The following FOXRED1 variants were observed in gnomAD, a reference collection of about 807,000 sequenced individuals.
FOXRED1 encodes the protein FAD-dependent oxidoreductase domain-containing protein 1.
In FOXRED1, 52 loss-of-function variants were observed where a neutral mutation model predicts 57.8. The observed-to-expected ratio is 0.90, with a 90% CI of 0.72 to 1.13. The LOEUF (loss-of-function observed/expected upper bound fraction) is 1.13, where lower values mean the gene tolerates loss of function less well. Among genes scored for constraint, FOXRED1 ranks in the 50% most tolerant of loss-of-function variants. FOXRED1 has a pLI of 0.00. For synonymous variants in FOXRED1, 271 were observed against 248.3 expected, an observed-to-expected ratio of 1.09 and a Z score of -0.86; for missense variants, 589 against 625.2, an observed-to-expected ratio of 0.94 and a Z score of 0.62.
intron 1 of FOXRED1, among the ~76,000 whole-genome samples, chr11:126,269,919 G>A (rs185147910): frequency 2.1e-4 from 30 of 145,348 alleles, no homozygotes; most frequent in African/African-American, 7.3e-4. Context: ...CCCGGAAGGC[G>A]AAGGTTGCAA....
chr11:126,269,524 G>T, intron 1 of FOXRED1: 1 of 734,058 alleles, frequency 1.4e-6, no homozygotes, highest in South Asian at 1.5e-5. Flanking sequence ...CTTACAGTCA[G>T]ACTGATTGAT....
intron 1 of FOXRED1, among the ~76,000 whole-genome samples, chr11:126,270,766 A>G (rs1242958383): frequency 6.6e-6 from 1 of 152,184 alleles, no homozygotes; most frequent in Non-Finnish European, 1.5e-5. Flanking sequence ...TTGTGATTAA[A>G]TTTGTGTTTT....
In FOXRED1 at chr11:126,272,823, T is replaced by G; in HGVS notation, c.307-146T>G. 1 of 698,164 alleles carries G rather than the reference T, an allele frequency of 1.4e-6. No homozygotes were observed. The allele number at this position is 698,164 out of a possible 1,614,324, so 43.2% of individuals were successfully genotyped here. A position where few individuals can be genotyped will look rare whatever the true frequency, so the allele number is the denominator to read the frequency against. On this transcript the variant is annotated intron_variant, in intron 2 of 10. Transcript: ENST00000263578. The surrounding 1 kb of genome is among the most constrained non-coding windows in gnomAD (Gnocchi z 4.6). ...GATTTTAAACACCATTGCCTTCAAG[T>G]TGACTTACACATGGGTCTTAGATTA...
At position 126,275,486 on chromosome 11, in the gene FOXRED1, C is replaced by T; in HGVS notation, c.733+58C>T. The T allele has an allele frequency of 1.6e-6, 2 of 1,228,646 alleles. No individual in the cohort carries two copies. Among genetic ancestry groups the T allele is most frequent in the South Asian group, 1.2e-5 (1 of 83,318 alleles). The allele number at this position is 1,228,646 out of a possible 1,614,324, so 76.1% of individuals were successfully genotyped here. On this transcript the variant is annotated intron_variant, in intron 6 of 10. Coordinates refer to ENST00000263578, the MANE Select transcript of FOXRED1 (RefSeq NM_017547.4). This position sits in a 1 kb window ranked among gnomAD's most constrained non-coding sequence, Gnocchi z 5.9. ...GGCATAGGCCTAGACTAGGTCTTATCTTCTCACTCACAAGCTAAGCAAGGG... is the reference window on the plus strand; with the variant it reads ...GGCATAGGCCTAGACTAGGTCTTATTTTCTCACTCACAAGCTAAGCAAGGG...
chr11:126,271,960 C>A lies in FOXRED1; in HGVS notation c.306+303C>A. 3.0e-6 allele frequency: 1 copy of A among 332,664 alleles called. No homozygotes were observed. The highest frequency in any genetic ancestry group is 5.8e-6 in the Non-Finnish European group (1 of 172,672). 20.6% of individuals were successfully genotyped at this position (332,664 alleles called of 1,614,324 possible). On this transcript the variant is annotated intron_variant, in intron 2 of 10. Coordinates refer to ENST00000263578, the MANE Select transcript of FOXRED1 (RefSeq NM_017547.4). The surrounding 1 kb of genome is among the most constrained non-coding windows in gnomAD (Gnocchi z 5.3). ...AGCTATAATTAAGTGTCTCAATTTT[C>A]TCTTTTTTTTTTTTTTTTTGAGACA...
At position 126,271,954 on chromosome 11, in the gene FOXRED1, A is replaced by C; in HGVS notation, c.306+297A>C. ...CATTCAAGCTATAATTAAGTGTCTC[A>C]ATTTTCTCTTTTTTTTTTTTTTTTT... On this transcript the variant is annotated intron_variant, in intron 2 of 10. Coordinates refer to ENST00000263578, the MANE Select transcript of FOXRED1 (RefSeq NM_017547.4). The surrounding 1 kb of genome is among the most constrained non-coding windows in gnomAD (Gnocchi z 5.3). 1 of 366,600 alleles carries C rather than the reference A, an allele frequency of 2.7e-6. No individual in the cohort carries two copies. The highest frequency in any genetic ancestry group is 2.5e-5 in the South Asian group (1 of 40,242). 22.7% of individuals were successfully genotyped at this position (366,600 alleles called of 1,614,324 possible). A position where few individuals can be genotyped will look rare whatever the true frequency, so the allele number is the denominator to read the frequency against.
chr11:126,275,701 C>G lies in FOXRED1; in HGVS notation c.734-93C>G. On this transcript the variant is annotated intron_variant, in intron 6 of 10. Coordinates refer to ENST00000263578, the MANE Select transcript of FOXRED1 (RefSeq NM_017547.4). The surrounding 1 kb of genome is among the most constrained non-coding windows in gnomAD (Gnocchi z 5.9). Reference sequence around the variant, plus strand: ...CAGTGTCTGTGGGAAAGCTCCCATCCTTCCAGCTTTCTTTCCTTAAGAAAC... The same window carrying G: ...CAGTGTCTGTGGGAAAGCTCCCATCGTTCCAGCTTTCTTTCCTTAAGAAAC... 1.1e-6 allele frequency: 1 copy of G among 913,590 alleles called. No homozygotes were observed. Among genetic ancestry groups the G allele is most frequent in the Non-Finnish European group, 1.8e-6 (1 of 562,022 alleles). The allele number at this position is 913,590 out of a possible 1,614,324, so 56.6% of individuals were successfully genotyped here. A position where few individuals can be genotyped will look rare whatever the true frequency, so the allele number is the denominator to read the frequency against.
Position 126,271,194 on chromosome 11 carries a change from T to C in FOXRED1, c.86-243T>C. ...CTATGCAGGAGGTAATGTAGAAAAT[T>C]AATTTTAGGAAATTGAATCTTGCAG... is the stretch of plus-strand genomic sequence containing the variant. On this transcript the variant is annotated intron_variant, in intron 1 of 10. Coordinates refer to ENST00000263578, the MANE Select transcript of FOXRED1 (RefSeq NM_017547.4). This position sits in a 1 kb window ranked among gnomAD's most constrained non-coding sequence, Gnocchi z 5.3. 2.0e-6 allele frequency: 1 copy of C among 509,740 alleles called. No individual in the cohort carries two copies. The highest frequency in any genetic ancestry group is 2.0e-5 in the South Asian group (1 of 49,966). The allele number at this position is 509,740 out of a possible 1,614,324, so 31.6% of individuals were successfully genotyped here. A position where few individuals can be genotyped will look rare whatever the true frequency, so the allele number is the denominator to read the frequency against.
Position 126,275,039 on chromosome 11 carries a change from A to G in FOXRED1, c.631+18A>G. The stretch of plus-strand genomic sequence containing the variant: ...GTCTTATGGTGAGGCTTGCTTGCAG[A>G]GGGGACAGCTTTTTTCCTGAAGATG... On this transcript the variant is annotated intron_variant, in intron 5 of 10. Transcript: ENST00000263578. This position sits in a 1 kb window ranked among gnomAD's most constrained non-coding sequence, Gnocchi z 5.9. The G allele has an allele frequency of 6.5e-7, 1 of 1,542,006 alleles. No homozygotes were observed.
At position 126,277,376 on chromosome 11, in the gene FOXRED1, G is replaced by T; in HGVS notation, c.1207-59G>T. 6.2e-7 allele frequency: 1 copy of T among 1,600,536 alleles called. No homozygotes were observed. ...TACTCTGTGCTGAGCCCTGAGGGGAGTGAGGATGGAGTGTGGCTACAGCCT... is the reference window on the plus strand; with the variant it reads ...TACTCTGTGCTGAGCCCTGAGGGGATTGAGGATGGAGTGTGGCTACAGCCT... On this transcript the variant is annotated intron_variant, in intron 10 of 10. Coordinates refer to ENST00000263578, the MANE Select transcript of FOXRED1 (RefSeq NM_017547.4). This position sits in a 1 kb window ranked among gnomAD's most constrained non-coding sequence, Gnocchi z 6.8.
At chr11:126,269,901 C>G (rs895294170) in intron 1 of FOXRED1, among the ~76,000 whole-genome samples, 1 of 149,386 alleles carries the variant, frequency 6.7e-6, no homozygotes, top group Non-Finnish European at 1.5e-5. Context: ...GCAGGAGAAT[C>G]GCTTGAACCC....
In FOXRED1 at chr11:126,278,113, T is replaced by G. The variant is rs1951208703; in HGVS notation, c.*424T>G. The G allele has an allele frequency of 2.2e-6, 1 of 462,344 alleles. No homozygotes were observed. The highest frequency in any genetic ancestry group is 2.0e-5 in the African/African-American group (1 of 50,400). 28.6% of individuals were successfully genotyped at this position (462,344 alleles called of 1,614,324 possible). A position where few individuals can be genotyped will look rare whatever the true frequency, so the allele number is the denominator to read the frequency against. On this transcript the variant is annotated 3_prime_UTR_variant, in exon 11 of 11. Transcript: ENST00000263578. This position sits in a 1 kb window ranked among gnomAD's most constrained non-coding sequence, Gnocchi z 4.8. ...TACCCTATCCATTAATCAATACATG[T>G]AATTAACTCCTTCCCTCCAGTCTTC...
rs375454069 is a variant in FOXRED1, at chr11:126,269,241, G to C, written c.35G>C (p.Arg12Pro). The change falls in exon 1 of 11, where the codon CGG becomes CCG. Residue 12 changes from arginine to proline, a missense_variant. Arg to Pro is a moderately radical substitution (Grantham distance 103). Coordinates refer to ENST00000263578, the MANE Select transcript of FOXRED1 (RefSeq NM_017547.4). ...IRRVLPHGMG[R>P]GLLTRRPGTR... is the part of the protein sequence containing the mutation. ...AGGGTTCTGCCGCACGGCATGGGCC[G>C]GGGCCTCTTGACCCGGAGGCCAGGC... The C allele has an allele frequency of 6.8e-6, 11 of 1,613,796 alleles. No individual in the cohort carries two copies. In the African/African-American group the frequency reaches 1.5e-4, roughly 22 times the overall value.
chr11:126,276,777 G>A, intron 9 of FOXRED1: 1 of 486,028 alleles, frequency 2.1e-6, no homozygotes, highest in Non-Finnish European at 3.8e-6. Flanking sequence ...TTGGGAGGCT[G>A]AGGCAGGAGA....
Position 126,277,181 on chromosome 11 carries a change from T to C in FOXRED1, c.1206+6T>C. 1 of 1,550,580 alleles carries C rather than the reference T, an allele frequency of 6.4e-7. No individual in the cohort carries two copies. The highest frequency in any genetic ancestry group is 8.9e-7 in the Non-Finnish European group (1 of 1,122,358). ...CAGCTTTTGAGACTCTGAAGGTAACTGGCAAGGGCTGGTTTTCCTTTTTAT... is the reference window on the plus strand; with the variant it reads ...CAGCTTTTGAGACTCTGAAGGTAACCGGCAAGGGCTGGTTTTCCTTTTTAT... On this transcript the variant is annotated splice_donor_region_variant and intron_variant, in intron 10 of 10. Transcript: ENST00000263578. This position sits in a 1 kb window ranked among gnomAD's most constrained non-coding sequence, Gnocchi z 6.8.
At position 126,275,533 on chromosome 11, in the gene FOXRED1, C is replaced by T. The variant is rs1055913232; in HGVS notation, c.733+105C>T. The stretch of plus-strand genomic sequence containing the variant: ...AGGGCTGGAGGGGGAAAGGGGTCTC[C>T]CTGAGAGCAGGTCCTAGGCATCTTG... On this transcript the variant is annotated intron_variant, in intron 6 of 10. Coordinates refer to ENST00000263578, the MANE Select transcript of FOXRED1 (RefSeq NM_017547.4). The surrounding 1 kb of genome is among the most constrained non-coding windows in gnomAD (Gnocchi z 5.9). 4 of 872,040 alleles carry T rather than the reference C, an allele frequency of 4.6e-6. No homozygotes were observed. In the Admixed American group the frequency reaches 7.7e-5, roughly 17 times the overall value. The allele number at this position is 872,040 out of a possible 1,614,324, so 54.0% of individuals were successfully genotyped here.
In FOXRED1 at chr11:126,275,399, G is replaced by A. The variant is rs757274475; in HGVS notation, c.704G>A (p.Gly235Glu). Residue 235 changes from glycine (G) to glutamate (E), a missense_variant, in exon 6 of 11, where the codon GGA becomes GAA. Transcript: ENST00000263578. The surrounding 1 kb of genome is among the most constrained non-coding windows in gnomAD (Gnocchi z 5.9). ...QGLRRKVQSLGVLFCQGEVTR... is the reference protein window; with the variant it reads ...QGLRRKVQSLEVLFCQGEVTR... ...CTTCGGCGAAAGGTCCAGTCCTTGGGAGTCCTTTTCTGCCAGGGAGAGGTG... is the reference window on the plus strand; with the variant it reads ...CTTCGGCGAAAGGTCCAGTCCTTGGAAGTCCTTTTCTGCCAGGGAGAGGTG... 1 of 1,613,752 alleles carries A rather than the reference G, an allele frequency of 6.2e-7. No homozygotes were observed. The highest frequency in any genetic ancestry group is 1.3e-5 in the African/African-American group (1 of 75,030).
At chr11:126,269,337 C>T (rs1193294693) in intron 1 of FOXRED1, 46 bp downstream of exon 1, 1 of 1,613,828 alleles carries the variant, frequency 6.2e-7, no homozygotes, top group Admixed American at 1.7e-5. Context: ...GGGTTGTCCC[C>T]AACCTCCGAC....
At chr11:126,276,271 A>G (rs1951133790) in intron 8 of FOXRED1, 52 bp downstream of exon 8, 2 of 135,808 alleles carry the variant, frequency 1.5e-5, no homozygotes, top group African/African-American at 3.2e-4. Context: ...AAGAAATGAC[A>G]TCGAAGTTGG....
Sources: gnomAD v4.1 joint callset for allele counts (sites outside exome capture counted in the v4.1 genomes callset) on GRCh38, gnomAD v4.1.1 for gene constraint, Gnocchi (gnomAD v3.1) non-coding constraint, MANE v1.5 for transcripts, NCBI Gene and HGNC (gene_info 2026-07-23, HGNC 2026-07-21) for gene names.